DNAJB4: variants seen among roughly 807,000 people sequenced by gnomAD.
DNAJB4 encodes the protein DnaJ heat shock protein family (Hsp40) member B4.
Under a neutral mutation model 26.6 loss-of-function variants are expected in DNAJB4, and 10 were observed. The observed-to-expected ratio is 0.38, with a 90% CI of 0.23 to 0.64. The LOEUF (loss-of-function observed/expected upper bound fraction) is 0.64. Ranked by LOEUF, DNAJB4 falls within the 30% of genes least tolerant of loss-of-function variation. The probability of loss-of-function intolerance (pLI) is 0.58; values close to 1 mark genes in which losing one functional copy is unlikely to be tolerated. For missense variants in DNAJB4, 328 were observed against 408.2 expected (o/e 0.80, Z 1.69); for synonymous variants, 136 against 134.8 (o/e 1.01, Z -0.06).
Position 78,016,704 on chromosome 1 carries a change from C to G in DNAJB4, c.*457C>G, listed in dbSNP as rs981143792. The G allele has an allele frequency of 6.4e-6, 1 of 156,096 alleles. No homozygotes were observed. Among genetic ancestry groups the G allele is most frequent in the African/African-American group, 2.4e-5 (1 of 41,428 alleles). The allele number at this position is 156,096 out of a possible 1,614,324, so 9.7% of individuals were successfully genotyped here. A position where few individuals can be genotyped will look rare whatever the true frequency, so the allele number is the denominator to read the frequency against. On this transcript the variant is annotated 3_prime_UTR_variant, in exon 3 of 3. Coordinates refer to ENST00000370763, the MANE Select transcript of DNAJB4 (RefSeq NM_007034.5). ...AAGTCAGTTATTAGATTTAAATCACCTTCTGAAATGCTGCTATAGGGCTGG... is the reference window on the plus strand; with the variant it reads ...AAGTCAGTTATTAGATTTAAATCACGTTCTGAAATGCTGCTATAGGGCTGG...
intron 1 of DNAJB4, among the ~76,000 whole-genome samples, chr1:77,988,134 G>C (rs1045129691): frequency 4.0e-5 from 6 of 148,792 alleles, no homozygotes; most frequent in African/African-American, 1.2e-4. Flanking sequence ...AAGCAATCTT[G>C]CCTCGGCCTT....
intron 1 of DNAJB4, among the ~76,000 whole-genome samples, chr1:77,995,903 G>A (rs1660049684): frequency 6.6e-6 from 1 of 152,112 alleles, no homozygotes; most frequent in Non-Finnish European, 1.5e-5. Flanking sequence ...CCCAGACTGT[G>A]CCATTGCACT....
At chr1:77,988,118 G>A (rs373916184) in intron 1 of DNAJB4, among the ~76,000 whole-genome samples, 2 of 148,474 alleles carry the variant, frequency 1.3e-5, no homozygotes, top group South Asian at 2.1e-4. Context: ...TCAAACTCCT[G>A]TGCTCAAGCA....
chr1:78,014,752 C>T (rs1660588403), intron 2 of DNAJB4, among the ~76,000 whole-genome samples: 1 of 152,012 alleles, frequency 6.6e-6, no homozygotes, highest in Non-Finnish European at 1.5e-5. Context: ...AGGTGCCCGC[C>T]ACCATGCCCA....
Position 78,013,523 on chromosome 1 carries a change from A to G in DNAJB4, c.684A>G (p.Pro228=). The G allele has an allele frequency of 6.2e-7, 1 of 1,613,914 alleles. No homozygotes were observed. Among genetic ancestry groups the G allele is most frequent in the East Asian group, 2.2e-5 (1 of 44,866 alleles). ...GAGATGAAACACCAAATAGTATTCC[A>G]GCAGACATTGTTTTTATCATTAAAG... is the stretch of plus-strand genomic sequence containing the variant. ...REGDETPNSI[P]ADIVFIIKDK... The change falls in exon 2 of 3, where the codon CCA becomes CCG. Residue 228 remains proline, a synonymous_variant. Transcript: ENST00000370763.
intron 1 of DNAJB4, among the ~76,000 whole-genome samples, chr1:77,984,031 T>TG (rs372992455): frequency 2.0e-5 from 3 of 152,146 alleles, no homozygotes; most frequent in African/African-American, 7.2e-5. Context: ...GTGATTAGAC[T>TG]GGGGTACCTC....
upstream of DNAJB4, chr1:77,979,769 G>C (rs948853107): frequency 1.3e-5 from 2 of 152,260 alleles, no homozygotes; most frequent in Admixed American, 6.5e-5. Flanking sequence ...GGCTCTAAAA[G>C]TATGACTGCC....
At chr1:77,997,314 CAA>C (rs371562329) in intron 1 of DNAJB4, among the ~76,000 whole-genome samples, 93 of 67,664 alleles carry the variant, frequency 1.4e-3, no homozygotes, top group African/African-American at 3.7e-3. Context: ...CCTGTCTCTA[CAA>C]AAAAAAAAAA....
chr1:78,015,635 C>T (rs1430361151), intron 2 of DNAJB4, among the ~76,000 whole-genome samples: 2 of 149,670 alleles, frequency 1.3e-5, no homozygotes, highest in South Asian at 2.1e-4. Flanking sequence ...CTGCAACCTC[C>T]GCCTGCTGAG....
chr1:78,010,021 A>G (rs762528374), intron 1 of DNAJB4, among the ~76,000 whole-genome samples: 18 of 152,118 alleles, frequency 1.2e-4, no homozygotes. Flanking sequence ...GCTGCATTGG[A>G]GTCTTTTTAT....
intron 1 of DNAJB4, among the ~76,000 whole-genome samples, chr1:77,981,734 G>A (rs892479984): frequency 6.6e-6 from 1 of 152,266 alleles, no homozygotes; most frequent in East Asian, 1.9e-4. Flanking sequence ...GGAATATTTG[G>A]GGGGTTGCTA....
intron 1 of DNAJB4, among the ~76,000 whole-genome samples, chr1:77,987,768 C>T (rs1365941400): frequency 6.6e-6 from 1 of 151,974 alleles, no homozygotes; most frequent in Non-Finnish European, 1.5e-5. Context: ...CACCACTTCT[C>T]ATCACCTCCA....
At chr1:78,007,281 T>G (rs1386791138) in intron 1 of DNAJB4, among the ~76,000 whole-genome samples, 1 of 152,166 alleles carries the variant, frequency 6.6e-6, no homozygotes, top group African/African-American at 2.4e-5. Context: ...TATAGGTTAC[T>G]TGAAAATACA....
At chr1:77,993,850 T>C (rs1440658507) in intron 1 of DNAJB4, among the ~76,000 whole-genome samples, 2 of 152,228 alleles carry the variant, frequency 1.3e-5, no homozygotes, top group Non-Finnish European at 2.9e-5. Context: ...TATCCTTCTT[T>C]AGACAATTAT....
rs1261854044 is a variant in DNAJB4, at chr1:78,013,481, T to C, written c.642T>C (p.Ile214=). Residue 214 remains isoleucine, a synonymous_variant, in exon 2 of 3, where the codon ATT becomes ATC. Coordinates refer to ENST00000370763, the MANE Select transcript of DNAJB4 (RefSeq NM_007034.5). ...IKKGWKEGTK[I]TFPREGDETP... ...AAGGGTGGAAAGAAGGCACCAAAAT[T>C]ACTTTTCCAAGAGAAGGAGATGAAA... 6.2e-7 allele frequency: 1 copy of C among 1,614,146 alleles called. No individual in the cohort carries two copies. Among genetic ancestry groups the C allele is most frequent in the South Asian group, 1.1e-5 (1 of 91,086 alleles).
intron 1 of DNAJB4, among the ~76,000 whole-genome samples, chr1:77,994,246 A>T (rs1660007046): frequency 1.3e-5 from 2 of 152,108 alleles, no homozygotes; most frequent in Non-Finnish European, 2.9e-5. Context: ...TACAAAAGAA[A>T]AAATAGCTAG....
chr1:78,017,148 C>T lies in DNAJB4; in HGVS notation c.*901C>T, dbSNP rs1660661515. On this transcript the variant is annotated 3_prime_UTR_variant, in exon 3 of 3. Coordinates refer to ENST00000370763, the MANE Select transcript of DNAJB4 (RefSeq NM_007034.5). The stretch of plus-strand genomic sequence containing the variant: ...AATTTCCCTAAAAAGAATGAACTAC[C>T]ACTACACTATGGTGTTAAACCAAAA... The T allele has an allele frequency of 6.6e-6, 1 of 151,862 alleles. No individual in the cohort carries two copies. The highest frequency in any genetic ancestry group is 2.4e-5 in the African/African-American group (1 of 41,386). The allele number at this position is 151,862 out of a possible 1,614,324, so 9.4% of individuals were successfully genotyped here.
At chr1:77,994,684 A>G (rs1660020362) in intron 1 of DNAJB4, among the ~76,000 whole-genome samples, 1 of 152,156 alleles carries the variant, frequency 6.6e-6, no homozygotes, top group Non-Finnish European at 1.5e-5. Flanking sequence ...ACATTTTAGA[A>G]AAGATAAAAG....
At chr1:77,983,587 T>TGACTCTTAAGGAGAGTGCTGCC (rs1659721288) in intron 1 of DNAJB4, among the ~76,000 whole-genome samples, 1 of 152,234 alleles carries the variant, frequency 6.6e-6, no homozygotes, top group South Asian at 2.1e-4. Flanking sequence ...GGAGTGGTGA[T>TGACTCTTAAGGAGAGTGCTGCC]GACTCTTAAG....
Sources: allele counts gnomAD v4.1 joint callset (sites outside exome capture counted in the v4.1 genomes callset), GRCh38; gene constraint gnomAD v4.1.1; transcripts MANE v1.5; gene names NCBI Gene and HGNC (gene_info 2026-07-23, HGNC 2026-07-21).